Variants in CHD5 observed in about 807,000 individuals in gnomAD.
The protein encoded by CHD5 is ATP-dependent chromatin remodeler CHD5.
CHD5 carries 69 observed loss-of-function variants against 230.3 expected under a neutral mutation model. That is an observed-to-expected ratio of 0.30 (90% confidence interval 0.25 to 0.37). The LOEUF is 0.37. CHD5 is among the 10% of genes least tolerant of loss of function. The probability of loss-of-function intolerance (pLI) is 1.00; values close to 1 mark genes in which losing one functional copy is unlikely to be tolerated. For synonymous variants in CHD5, 1,064 were observed against 1,065.9 expected (o/e 1.00, Z 0.03); for missense variants, 1,827 against 2,622.8 (o/e 0.70, Z 6.63).
rs1165963400 is a variant in CHD5, at chr1:6,146,635, C to T, written c.1590+30G>A. On this transcript the variant is annotated intron_variant, in intron 10 of 41. Coordinates refer to ENST00000262450, the MANE Select transcript of CHD5 (RefSeq NM_015557.3). This position sits in a 1 kb window ranked among gnomAD's most constrained non-coding sequence, Gnocchi z 5.1. ...GTCCAGGGCTCACCAGGTCCCGGGC[C>T]TTAGCACAGCCACCCTCCCGGGCAC... 1.2e-6 allele frequency: 2 copies of T among 1,610,130 alleles called. No homozygotes were observed. The highest frequency in any genetic ancestry group is 1.7e-5 in the Admixed American group (1 of 60,006).
rs189346533 is a variant in CHD5 at position 6,126,019 on chromosome 1, C to T, written c.4079-161G>A. ...TTCCTGTGGGCTCATTTAGTAATCC[C>T]AACACCACCACGTTATACACTAAGG... On this transcript the variant is annotated intron_variant, in intron 26 of 41. Coordinates refer to ENST00000262450, the MANE Select transcript of CHD5 (RefSeq NM_015557.3). This position sits in a 1 kb window ranked among gnomAD's most constrained non-coding sequence, Gnocchi z 5.7. Among the ~76,000 whole-genome samples the T allele has an allele frequency of 1.4e-4, 22 of 152,196 alleles. No individual in the cohort carries two copies. Among genetic ancestry groups the T allele is most frequent in the African/African-American group, 4.8e-4 (20 of 41,528 alleles).
At chr1:6,179,301 G>A (rs915033756) in intron 1 of CHD5, among the ~76,000 whole-genome samples, 1 of 152,202 alleles carries the variant, frequency 6.6e-6, no homozygotes, top group South Asian at 2.1e-4. Context: ...GACGCCGGCG[G>A]CCCGGGTAAA....
chr1:6,125,065 T>C lies in CHD5; in HGVS notation c.4394+35A>G, dbSNP rs768003816. ...GGACCCTGCCCTACTCAGGGGCAGGTGGTCACACCCTGGGCCACCACCTAG... is the reference window on the plus strand; with the variant it reads ...GGACCCTGCCCTACTCAGGGGCAGGCGGTCACACCCTGGGCCACCACCTAG... On this transcript the variant is annotated intron_variant, in intron 29 of 41. Coordinates refer to ENST00000262450, the MANE Select transcript of CHD5 (RefSeq NM_015557.3). The surrounding 1 kb of genome is among the most constrained non-coding windows in gnomAD (Gnocchi z 6.7). The C allele has an allele frequency of 4.6e-6, 7 of 1,520,026 alleles. No homozygotes were observed. Among genetic ancestry groups the C allele is most frequent in the Non-Finnish European group, 6.2e-6 (7 of 1,128,742 alleles). The allele number at this position is 1,520,026 out of a possible 1,614,324, so 94.2% of individuals were successfully genotyped here.
chr1:6,148,352 T>A (rs1666943639), intron 9 of CHD5, among the ~76,000 whole-genome samples: 1 of 152,140 alleles, frequency 6.6e-6, no homozygotes, highest in Admixed American at 6.5e-5. Context: ...GCCCTCTCCC[T>A]ATCCCCAGCC....
intron 2 of CHD5, among the ~76,000 whole-genome samples, chr1:6,162,386 C>CA (rs542447738): frequency 0.015 from 2,080 of 137,894 alleles, 18 homozygotes; most frequent in Middle Eastern, 0.024. Context: ...AACTCCATCT[C>CA]AAAAAAAAAA....
Position 6,107,532 on chromosome 1 carries a change from TG to T in CHD5, c.5579-754del, listed in dbSNP as rs1188018021. On this transcript the variant is annotated intron_variant, in intron 38 of 41. Transcript: ENST00000262450. ...ATGGAGGGATGGAGCGGTGGAGAGA[TG>T]GAGGGATGGAGGGATAATGAAGGGA... Among the ~76,000 whole-genome samples, 331 of 41,646 alleles carry T rather than the reference TG, an allele frequency of 7.9e-3. 1 individual carries two copies. Among genetic ancestry groups the T allele is most frequent in the South Asian group, 0.029 (18 of 614 alleles). 27.3% of individuals were successfully genotyped at this position (41,646 alleles called of 152,430 possible).
At chr1:6,143,289 T>G (rs1192522841) in intron 13 of CHD5, among the ~76,000 whole-genome samples, 3 of 152,056 alleles carry the variant, frequency 2.0e-5, no homozygotes, top group Admixed American at 2.0e-4. Context: ...CACCCCGGCC[T>G]CCCACAGTGC....
rs1301385867 is a variant in CHD5 at position 6,134,613 on chromosome 1, G to A, written c.3012+105C>T. The A allele has an allele frequency of 8.1e-7, 1 of 1,235,012 alleles. No individual in the cohort carries two copies. Among genetic ancestry groups the A allele is most frequent in the Non-Finnish European group, 1.2e-6 (1 of 849,666 alleles). The allele number at this position is 1,235,012 out of a possible 1,614,324, so 76.5% of individuals were successfully genotyped here. ...TGACAGCCACAGAAATCGCCACAAT[G>A]GCCAGGAGAACCTATCACAGCGGCC... On this transcript the variant is annotated intron_variant, in intron 19 of 41. Coordinates refer to ENST00000262450, the MANE Select transcript of CHD5 (RefSeq NM_015557.3). The surrounding 1 kb of genome is among the most constrained non-coding windows in gnomAD (Gnocchi z 6.3).
Position 6,134,702 on chromosome 1 carries a change from G to A in CHD5, c.3012+16C>T, listed in dbSNP as rs1333870627. The A allele has an allele frequency of 1.2e-6, 2 of 1,613,804 alleles. No individual in the cohort carries two copies. Among genetic ancestry groups the A allele is most frequent in the East Asian group, 2.2e-5 (1 of 44,876 alleles). On this transcript the variant is annotated intron_variant, in intron 19 of 41. Transcript: ENST00000262450. This position sits in a 1 kb window ranked among gnomAD's most constrained non-coding sequence, Gnocchi z 6.3. ...GCGGTCATGGAGAAGCTGCCATGAT[G>A]GCCGGGGAAACCTACCACGGCAGCC...
In CHD5 at chr1:6,125,270, A is replaced by G; in HGVS notation, c.4261-37T>C. 1 of 1,173,358 alleles carries G rather than the reference A, an allele frequency of 8.5e-7. No homozygotes were observed. The highest frequency in any genetic ancestry group is 1.2e-6 in the Non-Finnish European group (1 of 825,884). 72.7% of individuals were successfully genotyped at this position (1,173,358 alleles called of 1,614,324 possible). On this transcript the variant is annotated intron_variant, in intron 28 of 41. Coordinates refer to ENST00000262450, the MANE Select transcript of CHD5 (RefSeq NM_015557.3). The surrounding 1 kb of genome is among the most constrained non-coding windows in gnomAD (Gnocchi z 6.7). The stretch of plus-strand genomic sequence containing the variant: ...GAGCGTGGGAGTATGAGCCCAGGAC[A>G]GAGAGGGGTGGGGGTGGAGGATTCT...
chr1:6,116,605 C>T (rs1666381983), intron 33 of CHD5, among the ~76,000 whole-genome samples: 1 of 152,222 alleles, frequency 6.6e-6, no homozygotes, highest in African/African-American at 2.4e-5. Context: ...ACACCAACAG[C>T]AGCCTTCTCA....
intron 11 of CHD5, among the ~76,000 whole-genome samples, chr1:6,144,812 C>T (rs907852281): frequency 6.6e-6 from 1 of 152,216 alleles, no homozygotes; most frequent in South Asian, 2.1e-4. Context: ...CGAGGAGGCA[C>T]ACAGACCCGG....
At chr1:6,138,180 A>C (rs1666774225) in intron 15 of CHD5, among the ~76,000 whole-genome samples, 2 of 152,234 alleles carry the variant, frequency 1.3e-5, no homozygotes, top group African/African-American at 4.8e-5. Flanking sequence ...GTTGGAGACC[A>C]GCCTGGCCAA....
chr1:6,109,661 A>G (rs1028167663), intron 38 of CHD5, 134 bp downstream of exon 38: 9 of 748,766 alleles, frequency 1.2e-5, no homozygotes, highest in Non-Finnish European at 2.0e-5. Context: ...ATCTTGGCCC[A>G]GAAGTCCACC....
chr1:6,156,731 G>T (rs1342158153), intron 3 of CHD5, among the ~76,000 whole-genome samples: 2 of 151,952 alleles, frequency 1.3e-5, no homozygotes, highest in African/African-American at 4.8e-5. Context: ...GCCTGGGGTG[G>T]AGGGACATCC....
Position 6,134,095 on chromosome 1 carries a change from G to A in CHD5, c.3144+33C>T, listed in dbSNP as rs1338227248. 2 of 1,602,132 alleles carry A rather than the reference G, an allele frequency of 1.2e-6. No homozygotes were observed. The highest frequency in any genetic ancestry group is 1.7e-5 in the Admixed American group (1 of 59,874). On this transcript the variant is annotated intron_variant, in intron 20 of 41. Transcript: ENST00000262450. This position sits in a 1 kb window ranked among gnomAD's most constrained non-coding sequence, Gnocchi z 6.3. ...GGCAGGATGCTCTCTGTGGGGTGTG[G>A]AGCCGGGGCGGGGGTGGGCAGGGGC...
chr1:6,136,797 G>T lies in CHD5; in HGVS notation c.2505C>A (p.Ile835=). 1 of 1,613,938 alleles carries T rather than the reference G, an allele frequency of 6.2e-7. No homozygotes were observed. The highest frequency in any genetic ancestry group is 8.5e-7 in the Non-Finnish European group (1 of 1,179,842). ...SYELITIDQA[I]LGSIEWACLV... ...GGCAGGCCCACTCGATGGAGCCCAG[G>T]ATGGCCTGGTCAATGGTGATGAGCT... is the stretch of plus-strand genomic sequence containing the variant. The change falls in exon 16 of 42, where the codon ATC becomes ATA. Residue 835 remains isoleucine (I), a synonymous_variant. Coordinates refer to ENST00000262450, the MANE Select transcript of CHD5 (RefSeq NM_015557.3).
At chr1:6,147,507 T>C (rs373219893) in intron 9 of CHD5, among the ~76,000 whole-genome samples, 1 of 152,042 alleles carries the variant, frequency 6.6e-6, no homozygotes, top group East Asian at 1.9e-4. Context: ...AGGCAAGAAA[T>C]ACAACAGCCA....
At chr1:6,122,572 T>C (rs1395829940) in intron 31 of CHD5, among the ~76,000 whole-genome samples, 2 of 152,076 alleles carry the variant, frequency 1.3e-5, no homozygotes, top group Non-Finnish European at 2.9e-5. Flanking sequence ...TGGAAAACAG[T>C]CTAGTAGTTT....
Sources: allele counts gnomAD v4.1 joint callset (sites outside exome capture counted in the v4.1 genomes callset), GRCh38; gene constraint gnomAD v4.1.1; non-coding constraint Gnocchi (gnomAD v3.1); transcripts MANE v1.5; gene names NCBI Gene and HGNC (gene_info 2026-07-23, HGNC 2026-07-21).